IQCM: variants seen among roughly 807,000 people sequenced by gnomAD.
The protein encoded by IQCM is IQ domain-containing protein M.
A neutral mutation model predicts 57.6 loss-of-function variants in IQCM; 45 were observed. That is an observed-to-expected ratio of 0.78 (90% CI 0.62 to 1.00). The LOEUF is 1.00. Among genes scored for constraint, IQCM ranks in the 50% least tolerant of loss-of-function variants. The probability of loss-of-function intolerance (pLI) is 0.00; values close to 1 mark genes in which losing one functional copy is unlikely to be tolerated. For synonymous variants in IQCM, 148 were observed against 158.9 expected, an observed-to-expected ratio of 0.93 and a Z score of 0.51; for missense variants, 468 against 511.6, an observed-to-expected ratio of 0.91 and a Z score of 0.82.
At chr4:149,607,875 G>A (rs1754933918) in intron 8 of IQCM, among the ~76,000 whole-genome samples, 1 of 151,054 alleles carries the variant, frequency 6.6e-6, no homozygotes, top group Non-Finnish European at 1.5e-5. Context: ...AGGGAGGGAG[G>A]GAAAAAGGAG....
rs563774023 is a variant in IQCM, at chr4:149,711,954, G to T, written c.385+21290C>A. ...TAAGTATATTCAGAGTACTCACTGG[G>T]CTTCTGGAATAGTTTAAAATATAAA... On this transcript the variant is annotated intron_variant, in intron 5 of 13. Coordinates refer to ENST00000636793, the MANE Select transcript of IQCM (RefSeq NM_001363507.2). 4.9e-4 allele frequency among the ~76,000 whole-genome samples: 74 copies of T among 152,224 alleles called. 1 individual carries two copies. In the South Asian group the frequency reaches 0.015, roughly 32 times the overall value.
At chr4:149,382,900 G>C (rs1433942228) in intron 13 of IQCM, among the ~76,000 whole-genome samples, 1 of 151,568 alleles carries the variant, frequency 6.6e-6, no homozygotes, top group African/African-American at 2.4e-5. Flanking sequence ...TTTTGCTAAT[G>C]GCTGGTGCAT....
intron 12 of IQCM, among the ~76,000 whole-genome samples, chr4:149,444,251 A>T (rs1459964480): frequency 6.6e-6 from 1 of 151,934 alleles, no homozygotes; most frequent in Non-Finnish European, 1.5e-5. Flanking sequence ...TTAAAAATGA[A>T]TGTGTAAATA....
At chr4:149,477,786 A>C (rs1185191175) in intron 12 of IQCM, among the ~76,000 whole-genome samples, 1 of 152,162 alleles carries the variant, frequency 6.6e-6, no homozygotes, top group East Asian at 1.9e-4. Flanking sequence ...GAATAACTGG[A>C]TATCAGAGAT....
At chr4:149,678,465 C>A (rs927166259) in intron 7 of IQCM, among the ~76,000 whole-genome samples, 10 of 151,778 alleles carry the variant, frequency 6.6e-5, no homozygotes, top group South Asian at 2.1e-4. Context: ...CTGATAAATT[C>A]TTTCCCAGAC....
intron 2 of IQCM, among the ~76,000 whole-genome samples, chr4:149,772,661 A>G (rs1770699192): frequency 6.6e-6 from 1 of 152,252 alleles, no homozygotes; most frequent in Non-Finnish European, 1.5e-5. Flanking sequence ...GCATAAAGCA[A>G]GAAGCATCTT....
chr4:149,540,674 T>C (rs1218011126), intron 12 of IQCM, among the ~76,000 whole-genome samples: 1 of 152,154 alleles, frequency 6.6e-6, no homozygotes, highest in Non-Finnish European at 1.5e-5. Context: ...ATGTATAATG[T>C]GATCCTATTT....
At chr4:149,489,552 G>A (rs1443077540) in intron 12 of IQCM, among the ~76,000 whole-genome samples, 1 of 151,720 alleles carries the variant, frequency 6.6e-6, no homozygotes, top group Non-Finnish European at 1.5e-5. Context: ...CTTTAATAAA[G>A]GTTTAATTCA....
intron 5 of IQCM, among the ~76,000 whole-genome samples, chr4:149,713,945 C>G (rs906047666): frequency 6.6e-6 from 1 of 152,150 alleles, no homozygotes; most frequent in South Asian, 2.1e-4. Flanking sequence ...AAGAAGTGCT[C>G]TCTCTTGATC....
At chr4:149,383,113 G>T (rs1731193097) in intron 13 of IQCM, among the ~76,000 whole-genome samples, 1 of 152,000 alleles carries the variant, frequency 6.6e-6, no homozygotes, top group Non-Finnish European at 1.5e-5. Flanking sequence ...CTGTCCACAG[G>T]CTGAAATAAC....
At chr4:149,765,404 G>T (rs1274516712) in intron 2 of IQCM, among the ~76,000 whole-genome samples, 1 of 152,112 alleles carries the variant, frequency 6.6e-6, no homozygotes, top group African/African-American at 2.4e-5. Flanking sequence ...AATCATCTTT[G>T]CAAAAATTAT....
At chr4:149,637,162 G>GAAAAAAAAAAAAAAAAA (rs1021089498) in intron 7 of IQCM, among the ~76,000 whole-genome samples, 1 of 99,420 alleles carries the variant, frequency 1.0e-5, no homozygotes, top group Admixed American at 1.1e-4. Context: ...AAAAAAAAAA[G>GAAAAAAAAAAAAAAAAA]AAAAAAAAAA....
chr4:149,611,673 C>T (rs988106120), intron 8 of IQCM, among the ~76,000 whole-genome samples: 2 of 151,722 alleles, frequency 1.3e-5, no homozygotes, highest in Non-Finnish European at 2.9e-5. Context: ...GATGGTTACC[C>T]AAGTCTGGGA....
At chr4:149,362,981 T>A (rs1257324191) in intron 13 of IQCM, among the ~76,000 whole-genome samples, 1 of 152,216 alleles carries the variant, frequency 6.6e-6, no homozygotes, top group African/African-American at 2.4e-5. Context: ...GCTATTTTGT[T>A]TTGACTTTCC....
At chr4:149,375,543 T>C (rs560817454) in intron 13 of IQCM, among the ~76,000 whole-genome samples, 1 of 152,324 alleles carries the variant, frequency 6.6e-6, no homozygotes, top group Non-Finnish European at 1.5e-5. Flanking sequence ...CAATTTCTAC[T>C]TTCAAAGTGT....
At chr4:149,669,092 C>T (rs2150172671) in intron 7 of IQCM, among the ~76,000 whole-genome samples, 1 of 152,294 alleles carries the variant, frequency 6.6e-6, no homozygotes, top group African/African-American at 2.4e-5. Flanking sequence ...ACAGTCCCAC[C>T]AACAGTGTAA....
intron 10 of IQCM, among the ~76,000 whole-genome samples, chr4:149,555,175 A>G (rs1749459780): frequency 6.6e-6 from 1 of 152,194 alleles, no homozygotes; most frequent in Admixed American, 6.5e-5. Context: ...TCAACATTTA[A>G]TAACATTTTT....
intron 9 of IQCM, among the ~76,000 whole-genome samples, chr4:149,583,445 C>T (rs1020040283): frequency 5.3e-5 from 8 of 151,398 alleles, no homozygotes; most frequent in African/African-American, 1.7e-4. Flanking sequence ...AATTAAAGAC[C>T]TATCAATTGT....
At chr4:149,699,807 G>C (rs1157917841) in intron 5 of IQCM, among the ~76,000 whole-genome samples, 1 of 148,936 alleles carries the variant, frequency 6.7e-6, no homozygotes, top group African/African-American at 2.5e-5. Context: ...TTCAAAGAAT[G>C]ATAGACCTAG....
Sources: allele counts gnomAD v4.1 joint callset (sites outside exome capture counted in the v4.1 genomes callset), GRCh38; gene constraint gnomAD v4.1.1; transcripts MANE v1.5; gene names NCBI Gene and HGNC (gene_info 2026-07-23, HGNC 2026-07-21).